ELFN1: variants seen among roughly 807,000 people sequenced by gnomAD.
ELFN1 encodes protein ELFN1.
Under a neutral mutation model 7.6 loss-of-function variants are expected in ELFN1, and 6 were observed. That is an observed-to-expected ratio of 0.79 (90% CI 0.43 to 1.56). The LOEUF (loss-of-function observed/expected upper bound fraction) is 1.56, where lower values mean the gene tolerates loss of function less well. Among genes scored for constraint, ELFN1 ranks in the 40% most tolerant of loss-of-function variants. The pLI, the probability that ELFN1 is intolerant of heterozygous loss-of-function variation, is 0.01. For missense variants in ELFN1, 1,169 were observed against 1,232.2 expected (o/e 0.95, Z 0.77); for synonymous variants, 657 against 588.1 (o/e 1.12, Z -1.70).
At chr7:1,698,650 G>A (rs1562364986) in intron 2 of ELFN1, among the ~76,000 whole-genome samples, 1 of 152,186 alleles carries the variant, frequency 6.6e-6, no homozygotes, top group African/African-American at 2.4e-5. Context: ...CTAGGAAAAT[G>A]CTGAAAACAG....
chr7:1,747,148 A>T lies in ELFN1; in HGVS notation c.*65A>T. The T allele has an allele frequency of 7.1e-7, 1 of 1,401,476 alleles. No homozygotes were observed. Among genetic ancestry groups the T allele is most frequent in the Non-Finnish European group, 9.3e-7 (1 of 1,071,024 alleles). The allele number at this position is 1,401,476 out of a possible 1,614,324, so 86.8% of individuals were successfully genotyped here. The stretch of plus-strand genomic sequence containing the variant: ...TGCAGGATCCACCCAGAGACTCAGC[A>T]CCAAACCCAACACACGCACGCCACC... On this transcript the variant is annotated 3_prime_UTR_variant, in exon 4 of 4. Transcript: ENST00000424383.
intron 3 of ELFN1, among the ~76,000 whole-genome samples, chr7:1,712,129 G>T (rs1389748420): frequency 6.6e-6 from 1 of 152,226 alleles, no homozygotes; most frequent in Non-Finnish European, 1.5e-5. Flanking sequence ...GTCTTTTCGT[G>T]TGGGGGTCCC....
At chr7:1,711,882 C>T (rs954361121) in intron 3 of ELFN1, among the ~76,000 whole-genome samples, 2 of 152,302 alleles carry the variant, frequency 1.3e-5, no homozygotes, top group Admixed American at 6.5e-5. Context: ...CAGCTCGGAC[C>T]GTGCCAGGAG....
intron 3 of ELFN1, among the ~76,000 whole-genome samples, chr7:1,710,396 C>T (rs554178645): frequency 2.4e-4 from 37 of 152,350 alleles, no homozygotes; most frequent in South Asian, 1.0e-3. Context: ...TTGAACTGAA[C>T]TCTGGGGAGG....
At chr7:1,694,570 A>G (rs926988153) in intron 2 of ELFN1, among the ~76,000 whole-genome samples, 1 of 152,160 alleles carries the variant, frequency 6.6e-6, no homozygotes, top group Non-Finnish European at 1.5e-5. Flanking sequence ...TTATGCCCCT[A>G]GAAGCAGATC....
rs374917904 is a variant in ELFN1 at position 1,745,715 on chromosome 7, G to T, written c.1119G>T (p.Thr373=). Residue 373 remains threonine, a synonymous_variant, in exon 4 of 4, where the codon ACG becomes ACT. Coordinates refer to ENST00000424383, the MANE Select transcript of ELFN1 (RefSeq NM_001128636.4). Reference sequence around the variant, plus strand: ...AGATCCGTCTGACCAACCTGTTCACGCTCACCAACTACACCTACTGCGTGG... The same window carrying T: ...AGATCCGTCTGACCAACCTGTTCACTCTCACCAACTACACCTACTGCGTGG... ...QEEIRLTNLF[T]LTNYTYCVVS... 1 of 1,551,268 alleles carries T rather than the reference G, an allele frequency of 6.4e-7. No homozygotes were observed. The highest frequency in any genetic ancestry group is 8.7e-7 in the Non-Finnish European group (1 of 1,147,038).
Position 1,744,551 on chromosome 7 carries a change from GT to G in ELFN1, c.-45del. 6.9e-7 allele frequency: 1 copy of G among 1,442,576 alleles called. No individual in the cohort carries two copies. The highest frequency in any genetic ancestry group is 9.1e-7 in the Non-Finnish European group (1 of 1,103,822). 89.4% of individuals were successfully genotyped at this position (1,442,576 alleles called of 1,614,324 possible). A position where few individuals can be genotyped will look rare whatever the true frequency, so the allele number is the denominator to read the frequency against. On this transcript the variant is annotated 5_prime_UTR_variant, in exon 4 of 4. Coordinates refer to ENST00000424383, the MANE Select transcript of ELFN1 (RefSeq NM_001128636.4). The stretch of plus-strand genomic sequence containing the variant: ...GGGCTGGCGCCTGGCCCCCCACCTG[GT>G]CCCCCTGGGCAGGCTGAATTGGGGC...
intron 3 of ELFN1, among the ~76,000 whole-genome samples, chr7:1,737,574 T>C (rs1780484859): frequency 6.6e-6 from 1 of 152,144 alleles, no homozygotes; most frequent in Non-Finnish European, 1.5e-5. Context: ...ACTCCGTCCT[T>C]TTGAGTGTTC....
chr7:1,746,097 C>CCTG lies in ELFN1; in HGVS notation c.1503_1505dup (p.Ala503dup), dbSNP rs1780776471. On this transcript the variant is annotated inframe_insertion, in exon 4 of 4. Transcript: ENST00000424383. ...GGCCGTGACGCGCATCCCTTACCTGCCTGCGGCCGGCGAGGTGGAGCAGTA... is the reference window on the plus strand; with the variant it reads ...GGCCGTGACGCGCATCCCTTACCTGCCTGCTGCGGCCGGCGAGGTGGAGCAGTA... The CCTG allele has an allele frequency of 6.5e-7, 1 of 1,546,762 alleles. No individual in the cohort carries two copies. Among genetic ancestry groups the CCTG allele is most frequent in the Non-Finnish European group, 8.7e-7 (1 of 1,144,892 alleles).
intron 3 of ELFN1, among the ~76,000 whole-genome samples, chr7:1,730,126 G>A (rs1780297535): frequency 6.6e-6 from 1 of 152,256 alleles, no homozygotes; most frequent in Non-Finnish European, 1.5e-5. Context: ...CGTTCACCCT[G>A]CTTTGAGCTG....
chr7:1,739,916 G>T lies in ELFN1; in HGVS notation c.-293-4388G>T, dbSNP rs898258074. Among the ~76,000 whole-genome samples, 1 of 152,216 alleles carries T rather than the reference G, an allele frequency of 6.6e-6. No individual in the cohort carries two copies. Among genetic ancestry groups the T allele is most frequent in the African/African-American group, 2.4e-5 (1 of 41,452 alleles). ...TTCCAAGAAAACCTGCTGCAATGAG[G>T]CAGAGGCTGGAAGTTACACAGGTCA... is the stretch of plus-strand genomic sequence containing the variant. On this transcript the variant is annotated intron_variant, in intron 3 of 3. Coordinates refer to ENST00000424383, the MANE Select transcript of ELFN1 (RefSeq NM_001128636.4). This position sits in a 1 kb window ranked among gnomAD's most constrained non-coding sequence, Gnocchi z 4.6.
rs1203581231 is a variant in ELFN1 at position 1,705,020 on chromosome 7, A to G, written c.-455-4071A>G. On this transcript the variant is annotated intron_variant, in intron 2 of 3. Coordinates refer to ENST00000424383, the MANE Select transcript of ELFN1 (RefSeq NM_001128636.4). The surrounding 1 kb of genome is among the most constrained non-coding windows in gnomAD (Gnocchi z 4.3). The stretch of plus-strand genomic sequence containing the variant: ...GTGGGTCTGCGAGAGGCTCCCAGGC[A>G]GAGGGCACAGCAAGTGCAGAGGGCA... Among the ~76,000 whole-genome samples the G allele has an allele frequency of 2.0e-5, 3 of 152,122 alleles. No individual in the cohort carries two copies. The highest frequency in any genetic ancestry group is 4.4e-5 in the Non-Finnish European group (3 of 68,010).
At chr7:1,689,816 G>C (rs1049784662) in intron 2 of ELFN1, among the ~76,000 whole-genome samples, 1 of 152,142 alleles carries the variant, frequency 6.6e-6, no homozygotes, top group African/African-American at 2.4e-5. Flanking sequence ...AGCCAATGGG[G>C]AGTCCTCTGG....
At chr7:1,694,527 C>A (rs977623407) in intron 2 of ELFN1, among the ~76,000 whole-genome samples, 2 of 152,192 alleles carry the variant, frequency 1.3e-5, no homozygotes, top group East Asian at 3.9e-4. Context: ...AAAGATAGAG[C>A]TCTGGTCCAT....
chr7:1,738,135 A>T (rs1035929138), intron 3 of ELFN1, among the ~76,000 whole-genome samples: 25 of 152,220 alleles, frequency 1.6e-4, no homozygotes, highest in African/African-American at 6.0e-4. Flanking sequence ...GACCCTGGCC[A>T]GTCCCTTCAC....
At chr7:1,689,628 C>T (rs1449131082) in intron 2 of ELFN1, among the ~76,000 whole-genome samples, 3 of 152,172 alleles carry the variant, frequency 2.0e-5, no homozygotes, top group African/African-American at 7.2e-5. Flanking sequence ...CATATCCTGT[C>T]TCCTTATTTT....
At chr7:1,685,048 G>A (rs1348861581) in intron 1 of ELFN1, among the ~76,000 whole-genome samples, 1 of 152,134 alleles carries the variant, frequency 6.6e-6, no homozygotes, top group Non-Finnish European at 1.5e-5. Context: ...ACTAGCCCCA[G>A]ATTCTTTCAG....
At chr7:1,672,925 G>C (rs1778795030) in intron 1 of ELFN1, among the ~76,000 whole-genome samples, 1 of 152,108 alleles carries the variant, frequency 6.6e-6, no homozygotes, top group Non-Finnish European at 1.5e-5. Flanking sequence ...GAGGGGGCCG[G>C]TGGCGGGGCG....
At chr7:1,699,019 T>C (rs1175454576) in intron 2 of ELFN1, among the ~76,000 whole-genome samples, 1 of 152,242 alleles carries the variant, frequency 6.6e-6, no homozygotes, top group Non-Finnish European at 1.5e-5. Flanking sequence ...TGTTTTCATG[T>C]TGTATAAGTG....
Sources: gnomAD v4.1 joint callset for allele counts (sites outside exome capture counted in the v4.1 genomes callset) on GRCh38, gnomAD v4.1.1 for gene constraint, Gnocchi (gnomAD v3.1) non-coding constraint, MANE v1.5 for transcripts, NCBI Gene and HGNC (gene_info 2026-07-23, HGNC 2026-07-21) for gene names.